Variants in TRPM1 observed in about 807,000 individuals in gnomAD.
The protein encoded by TRPM1 is transient receptor potential cation channel subfamily M member 1, also known as TRPM1-203 APA Isoform, Intron 10.
Under a neutral mutation model 149.4 loss-of-function variants are expected in TRPM1, and 113 were observed. That is an observed-to-expected ratio of 0.76 (90% CI 0.65 to 0.88). The LOEUF is 0.88. Ranked by LOEUF, TRPM1 falls within the 40% of genes least tolerant of loss-of-function variation. The probability of loss-of-function intolerance (pLI) is 0.00; values close to 1 mark genes in which losing one functional copy is unlikely to be tolerated. For missense variants in TRPM1, 1,976 were observed against 2,038.7 expected, an observed-to-expected ratio of 0.97 and a Z score of 0.59; for synonymous variants, 741 against 759.5, an observed-to-expected ratio of 0.98 and a Z score of 0.40.
intron 1 of TRPM1, among the ~76,000 whole-genome samples, chr15:31,117,264 T>A (rs954075880): frequency 6.6e-6 from 1 of 152,140 alleles, no homozygotes; most frequent in Non-Finnish European, 1.5e-5. Context: ...GGTGGGTGGA[T>A]CACCTAAGGT....
At chr15:31,133,371 C>G (rs563307175) in intron 1 of TRPM1, among the ~76,000 whole-genome samples, 1 of 152,060 alleles carries the variant, frequency 6.6e-6, no homozygotes, top group African/African-American at 2.4e-5. Flanking sequence ...AGTTGGAGAA[C>G]AGCATGATCC....
At chr15:31,072,018 T>TATATAGAGAGAG (rs1400392427) in intron 3 of TRPM1, among the ~76,000 whole-genome samples, 9 of 36,894 alleles carry the variant, frequency 2.4e-4, no homozygotes, top group African/African-American at 7.8e-4. Context: ...TATATATATA[T>TATATAGAGAGAG]AGAGAGAGAG....
At chr15:31,026,307 CA>C in intron 26 of TRPM1, 36 bp from the exon 27 acceptor site, 1 of 1,604,828 alleles carries the variant, frequency 6.2e-7, no homozygotes, top group African/African-American at 1.3e-5. Context: ...ACGTGAAAAA[CA>C]AGAAGAATCA....
upstream of TRPM1, among the ~76,000 whole-genome samples, chr15:31,104,955 T>C (rs1351392011): frequency 6.6e-6 from 1 of 152,102 alleles, no homozygotes; most frequent in Non-Finnish European, 1.5e-5. Context: ...AATTCATCCA[T>C]AAATAGAAAC....
rs1024556590 is a variant in TRPM1, at chr15:31,089,499, C to T, written c.-83-8061G>A. Among the ~76,000 whole-genome samples, 7 of 152,244 alleles carry T rather than the reference C, an allele frequency of 4.6e-5. 1 individual carries two copies. Among genetic ancestry groups the T allele is most frequent in the African/African-American group, 1.4e-4 (6 of 41,468 alleles). On this transcript the variant is annotated intron_variant, in intron 1 of 27. Coordinates refer to ENST00000256552, the MANE Select transcript of TRPM1 (RefSeq NM_001252024.2). ...TGGCCCACAACACTGCTGGAGAACA[C>T]TGGGGAGGCCTGTGTGCAATAGCAC... is the stretch of plus-strand genomic sequence containing the variant.
Position 31,042,243 on chromosome 15 carries a change from C to T in TRPM1, c.1795G>A (p.Asp599Asn). The T allele has an allele frequency of 1.3e-6, 2 of 1,568,466 alleles. No homozygotes were observed. Among genetic ancestry groups the T allele is most frequent in the Non-Finnish European group, 1.7e-6 (2 of 1,156,682 alleles). Residue 599 changes from aspartate to asparagine, a missense_variant and splice_region_variant, in exon 17 of 28, where the codon GAT becomes AAT. Around this residue, in one of 3 missense-constraint regions of TRPM1, gnomAD observed 1,332 missense variants for 1,347.1 expected, o/e 0.99. Coordinates refer to ENST00000256552, the MANE Select transcript of TRPM1 (RefSeq NM_001252024.2). Reference protein sequence around the residue: ...PKALKLLGMEDDEPPAKGKKK... With the variant: ...PKALKLLGMENDEPPAKGKKK... ...TTCCCTTTAGCTGGAGGCTCATCAT[C>T]CTGAGGGGAGAAACATGGATTTCAT... is the stretch of plus-strand genomic sequence containing the variant.
intron 2 of TRPM1, among the ~76,000 whole-genome samples, chr15:31,079,322 C>T (rs2034795244): frequency 6.6e-6 from 1 of 151,994 alleles, no homozygotes; most frequent in South Asian, 2.1e-4. Flanking sequence ...GTGCTTCTGA[C>T]TCTGGTTTCT....
chr15:31,108,104 A>C (rs11630017), intron 1 of TRPM1, among the ~76,000 whole-genome samples: 61,303 of 151,860 alleles, frequency 0.4, 13,033 homozygotes, highest in East Asian at 0.73. Flanking sequence ...GTGATCCACC[A>C]ACCTCGGCCT....
intron 1 of TRPM1, among the ~76,000 whole-genome samples, chr15:31,088,979 T>G (rs898096793): frequency 6.6e-6 from 1 of 152,218 alleles, no homozygotes; most frequent in South Asian, 2.1e-4. Context: ...CAGCACTTTC[T>G]TGGCTGATGG....
rs142801186 is a variant in TRPM1 at position 31,113,789 on chromosome 15, C to T, written c.55-36805G>A. Among the ~76,000 whole-genome samples the T allele has an allele frequency of 2.2e-3, 332 of 152,260 alleles. 2 individuals are homozygous for T. Among genetic ancestry groups the T allele is most frequent in the African/African-American group, 7.7e-3 (319 of 41,544 alleles). ...TGAGTGTTACAGCTCTTAAAGGTGG[C>T]AAGGACCCACAGTTAGCAACAGCAA... On this transcript the variant is annotated intron_variant, in intron 1 of 26. Coordinates refer to the TRPM1 transcript ENST00000542188.
intron 1 of TRPM1, among the ~76,000 whole-genome samples, chr15:31,134,349 G>C (rs2036060690): frequency 6.6e-6 from 1 of 152,126 alleles, no homozygotes; most frequent in African/African-American, 2.4e-5. Flanking sequence ...TGCCTCTTTG[G>C]CATAAGGTTT....
At chr15:31,121,074 A>G (rs1397798951) in intron 1 of TRPM1, among the ~76,000 whole-genome samples, 1 of 152,060 alleles carries the variant, frequency 6.6e-6, no homozygotes, top group Non-Finnish European at 1.5e-5. Flanking sequence ...TAAAAACACA[A>G]AATTTAGCCA....
rs1403956943 is a variant in TRPM1, at chr15:31,002,539, A to T, written c.4161T>A (p.Asp1387Glu). Residue 1387 changes from aspartate to glutamate, a missense_variant, in exon 28 of 28, where the codon GAT (aspartate) becomes GAA (glutamate). Around this residue, in one of 3 missense-constraint regions of TRPM1, gnomAD observed 572 missense variants for 578.9 expected, o/e 0.99. Coordinates refer to ENST00000256552, the MANE Select transcript of TRPM1 (RefSeq NM_001252024.2). The stretch of plus-strand genomic sequence containing the variant: ...CTTTTTTAGAGTCTGTCTGTCTTTC[A>T]TCATCTTCCTTTGAAATCCCAATAT... ...GPDIGISKED[D>E]ERQTDSKKEE... 2.5e-6 allele frequency: 4 copies of T among 1,614,094 alleles called. No homozygotes were observed. The Admixed American group carries it at 6.7e-5, about 27-fold the overall frequency.
intron 1 of TRPM1, among the ~76,000 whole-genome samples, chr15:31,135,372 G>A (rs1026536306): frequency 2.6e-5 from 4 of 151,928 alleles, no homozygotes; most frequent in African/African-American, 9.7e-5. Context: ...ACATCATCAT[G>A]TTGAACATGA....
chr15:31,012,421 A>C (rs2032218191), intron 27 of TRPM1, among the ~76,000 whole-genome samples: 1 of 152,208 alleles, frequency 6.6e-6, no homozygotes, highest in Non-Finnish European at 1.5e-5. Flanking sequence ...CTTTCAGCAC[A>C]TTGACTATGT....
intron 16 of TRPM1, among the ~76,000 whole-genome samples, chr15:31,045,493 T>C (rs2033737520): frequency 6.6e-6 from 1 of 152,196 alleles, no homozygotes. Context: ...TTATTTTTCC[T>C]TGTGGTTCAA....
At chr15:31,026,856 C>G in intron 26 of TRPM1, 59 bp downstream of exon 26, 4 of 1,564,834 alleles carry the variant, frequency 2.6e-6, no homozygotes, top group African/African-American at 1.4e-5. Flanking sequence ...GTGAGGATGT[C>G]CAATTTGAAC....
intron 1 of TRPM1, among the ~76,000 whole-genome samples, chr15:31,113,643 T>A (rs570501928): frequency 6.6e-6 from 1 of 152,254 alleles, no homozygotes; most frequent in African/African-American, 2.4e-5. Flanking sequence ...CAAATTATTT[T>A]ATCAACTAGT....
chr15:31,088,750 C>T (rs566246373), intron 1 of TRPM1, among the ~76,000 whole-genome samples: 1 of 150,518 alleles, frequency 6.6e-6, no homozygotes, highest in African/African-American at 2.4e-5. Flanking sequence ...CTTCCTGCTA[C>T]CTGTGGGAAC....
Sources: allele counts gnomAD v4.1 joint callset (sites outside exome capture counted in the v4.1 genomes callset), GRCh38; gene constraint gnomAD v4.1.1; regional missense constraint gnomAD v4.1.1; transcripts MANE v1.5; gene names NCBI Gene and HGNC (gene_info 2026-07-23, HGNC 2026-07-21).